ELK3: variants seen among roughly 807,000 people sequenced by gnomAD.
The protein encoded by ELK3 is ETS transcription factor ELK3.
ELK3 carries 10 observed loss-of-function variants against 28.9 expected under a neutral mutation model. The ratio of observed to expected loss-of-function variants is 0.35; its 90% CI spans 0.21 to 0.59. The LOEUF is 0.59. Among genes scored for constraint, ELK3 ranks in the 20% least tolerant of loss-of-function variants. The probability of loss-of-function intolerance (pLI) is 0.82; values close to 1 mark genes in which losing one functional copy is unlikely to be tolerated. For missense variants in ELK3, 463 were observed against 517.3 expected (o/e 0.90, Z 1.02); for synonymous variants, 272 against 243.5 (o/e 1.12, Z -1.09).
At chr12:96,242,367 G>A (rs1237235732) in intron 2 of ELK3, among the ~76,000 whole-genome samples, 1 of 152,226 alleles carries the variant, frequency 6.6e-6, no homozygotes, top group Non-Finnish European at 1.5e-5. Context: ...CCAAAATGGG[G>A]ATAATAATCA....
chr12:96,212,014 ATTCTGAGT>A (rs777958860), intron 1 of ELK3, among the ~76,000 whole-genome samples: 5 of 152,236 alleles, frequency 3.3e-5, no homozygotes, highest in Non-Finnish European at 7.3e-5. Flanking sequence ...AGGAACAAAA[ATTCTGAGT>A]TTTCTTGGGC....
At chr12:96,256,713 A>C (rs757389688) in intron 3 of ELK3, among the ~76,000 whole-genome samples, 1 of 152,252 alleles carries the variant, frequency 6.6e-6, no homozygotes, top group Non-Finnish European at 1.5e-5. Flanking sequence ...AAAAATGGTC[A>C]CAAAGTGTTA....
rs1290555537 is a variant in ELK3, at chr12:96,269,231, C to T, written c.*2051C>T. The stretch of plus-strand genomic sequence containing the variant: ...CGTGTTATTAGTAAAACAAACAAAA[C>T]AGATAAAGACAGCATTTAAAACTGT... On this transcript the variant is annotated 3_prime_UTR_variant, in exon 5 of 5. Transcript: ENST00000228741. 6.6e-6 allele frequency: 1 copy of T among 152,124 alleles called. No homozygotes were observed. The highest frequency in any genetic ancestry group is 1.5e-5 in the Non-Finnish European group (1 of 68,018). The allele number at this position is 152,124 out of a possible 1,614,324, so 9.4% of individuals were successfully genotyped here.
chr12:96,250,500 G>A (rs1232229383), intron 3 of ELK3, among the ~76,000 whole-genome samples: 1 of 152,194 alleles, frequency 6.6e-6, no homozygotes, highest in African/African-American at 2.4e-5. Flanking sequence ...TTCAGGGGGT[G>A]CCCCAGAAAC....
chr12:96,267,175 T>C lies in ELK3; in HGVS notation c.1219T>C (p.Ser407Pro). The change falls in exon 5 of 5, where the codon TCC becomes CCC. Residue 407 changes from serine (S) to proline (P), a missense_variant. Ser to Pro is a moderately conservative substitution (Grantham distance 74). This residue lies in a region of ELK3 where 408 missense variants were observed against 414.8 expected (regional missense o/e 0.98). Transcript: ENST00000228741. The part of the protein sequence containing the change: ...PVLLSSNSQK[S>P] ...ACTGCTTTCTTCAAACTCTCAGAAATCCTGATGACGTCTGGCCACAATTAA... is the reference window on the plus strand; with the variant it reads ...ACTGCTTTCTTCAAACTCTCAGAAACCCTGATGACGTCTGGCCACAATTAA... 6.2e-7 allele frequency: 1 copy of C among 1,612,042 alleles called. No individual in the cohort carries two copies. The highest frequency in any genetic ancestry group is 8.5e-7 in the Non-Finnish European group (1 of 1,179,086).
intron 2 of ELK3, among the ~76,000 whole-genome samples, chr12:96,242,070 C>T (rs1392083280): frequency 6.6e-6 from 1 of 152,250 alleles, no homozygotes; most frequent in Admixed American, 6.5e-5. Flanking sequence ...CACAGACCAG[C>T]ATCGCTCAGG....
At chr12:96,198,480 A>G (rs1454958045) in intron 1 of ELK3, among the ~76,000 whole-genome samples, 1 of 152,198 alleles carries the variant, frequency 6.6e-6, no homozygotes, top group African/African-American at 2.4e-5. Context: ...TACGCAGATG[A>G]GAGGGGAAGG....
At chr12:96,200,058 C>G (rs187481828) in intron 1 of ELK3, among the ~76,000 whole-genome samples, 1 of 152,050 alleles carries the variant, frequency 6.6e-6, no homozygotes, top group African/African-American at 2.4e-5. Context: ...GATACCTTCT[C>G]TTTTTATTTT....
intron 1 of ELK3, among the ~76,000 whole-genome samples, chr12:96,194,939 C>G (rs1214034280): frequency 1.4e-5 from 2 of 144,984 alleles, no homozygotes; most frequent in Non-Finnish European, 3.0e-5. Context: ...CGCCCGAGCT[C>G]GCGCCGGGCC....
chr12:96,267,050 T>TA (rs1565795388), intron 4 of ELK3, 32 bp from the exon 5 acceptor site: 1 of 1,583,178 alleles, frequency 6.3e-7, no homozygotes, highest in African/African-American at 1.3e-5. Flanking sequence ...GGATTTGCAA[T>TA]AATTATTGTA....
At chr12:96,245,951 C>T (rs953065771) in intron 2 of ELK3, among the ~76,000 whole-genome samples, 3 of 152,182 alleles carry the variant, frequency 2.0e-5, no homozygotes, top group Admixed American at 1.3e-4. Context: ...ACTAAAAATA[C>T]TGTCAATGAA....
intron 2 of ELK3, among the ~76,000 whole-genome samples, chr12:96,228,091 T>C (rs1951716406): frequency 6.6e-6 from 1 of 151,902 alleles, no homozygotes; most frequent in African/African-American, 2.4e-5. Context: ...GAGACCCCTG[T>C]CTCTTTTTAA....
chr12:96,203,367 G>C (rs1217531640), intron 1 of ELK3, among the ~76,000 whole-genome samples: 3 of 152,242 alleles, frequency 2.0e-5, no homozygotes, highest in African/African-American at 7.2e-5. Context: ...GCCTGCACGT[G>C]TCTGTGTCAT....
intron 1 of ELK3, among the ~76,000 whole-genome samples, chr12:96,204,752 T>C (rs566676366): frequency 2.2e-4 from 34 of 152,346 alleles, no homozygotes; most frequent in African/African-American, 7.9e-4. Context: ...AAGATCATAC[T>C]ATTCTATTAA....
At chr12:96,229,310 A>T (rs868365714) in intron 2 of ELK3, among the ~76,000 whole-genome samples, 13 of 152,300 alleles carry the variant, frequency 8.5e-5, no homozygotes, top group Middle Eastern at 6.8e-3. Context: ...AACAACAGAA[A>T]TGTGTTGTCT....
intron 2 of ELK3, among the ~76,000 whole-genome samples, chr12:96,241,426 TTGTGTGTGTG>T (rs57658963): frequency 2.0e-4 from 29 of 146,448 alleles, no homozygotes; most frequent in African/African-American, 4.3e-4. Context: ...AGTGGAGCGT[TTGTGTGTGTG>T]TGTGTGTGTG....
intron 1 of ELK3, among the ~76,000 whole-genome samples, chr12:96,210,232 C>G (rs1159077188): frequency 6.6e-6 from 1 of 152,198 alleles, no homozygotes; most frequent in Non-Finnish European, 1.5e-5. Context: ...GTTTCACTGA[C>G]TGCGGAACAG....
chr12:96,207,026 A>C (rs1484499364), intron 1 of ELK3, among the ~76,000 whole-genome samples: 1 of 152,124 alleles, frequency 6.6e-6, no homozygotes, highest in Non-Finnish European at 1.5e-5. Flanking sequence ...TTTTGAAATC[A>C]CTCACTGTCT....
chr12:96,247,484 C>T lies in ELK3; in HGVS notation c.752C>T (p.Pro251Leu). The T allele has an allele frequency of 6.2e-7, 1 of 1,614,132 alleles. No individual in the cohort carries two copies. Among genetic ancestry groups the T allele is most frequent in the Non-Finnish European group, 8.5e-7 (1 of 1,180,012 alleles). ...TCCCCGTCCCTGTCCCCCAACTCAC[C>T]CCTCCCTTCTGAACACAGAAGCCTC... ...SRSPSLSPNSPLPSEHRSLFL... is the reference protein window; with the variant it reads ...SRSPSLSPNSLLPSEHRSLFL... Residue 251 changes from proline to leucine, a missense_variant, in exon 3 of 5, where the codon CCC (proline) becomes CTC (leucine). Coordinates refer to ENST00000228741, the MANE Select transcript of ELK3 (RefSeq NM_005230.4). The surrounding 1 kb of genome is among the most constrained non-coding windows in gnomAD (Gnocchi z 5.5).
Sources: allele counts gnomAD v4.1 joint callset (sites outside exome capture counted in the v4.1 genomes callset), GRCh38; gene constraint gnomAD v4.1.1; regional missense constraint gnomAD v4.1.1; non-coding constraint Gnocchi (gnomAD v3.1); transcripts MANE v1.5; gene names NCBI Gene and HGNC (gene_info 2026-07-23, HGNC 2026-07-21).